Variants in SEMA4C observed in about 807,000 individuals in gnomAD.
SEMA4C encodes semaphorin-4C.
In SEMA4C, 19 loss-of-function variants were observed where a neutral mutation model predicts 89.0. The ratio of observed to expected loss-of-function variants is 0.21; its 90% CI spans 0.15 to 0.31. The LOEUF (loss-of-function observed/expected upper bound fraction) is 0.31. Among genes scored for constraint, SEMA4C ranks in the 10% least tolerant of loss-of-function variants. The pLI, the probability that SEMA4C is intolerant of heterozygous loss-of-function variation, is 1.00. For synonymous variants in SEMA4C, 428 were observed against 472.7 expected (o/e 0.91, Z 1.23); for missense variants, 811 against 1,107.0 (o/e 0.73, Z 3.79).
chr2:96,869,087 C>T (rs2153365947), intron 1 of SEMA4C: 2 of 985,370 alleles, frequency 2.0e-6, no homozygotes, highest in South Asian at 9.4e-5. Context: ...GCCCGGCCTG[C>T]GGACGCCCCC....
chr2:96,870,505 CT>C, upstream of SEMA4C: 7 of 978,284 alleles, frequency 7.2e-6, no homozygotes, highest in Non-Finnish European at 8.5e-6. Flanking sequence ...GGGAGGCACG[CT>C]GGGGGAACCG....
intron 3 of SEMA4C, 41 bp downstream of exon 3, chr2:96,866,242 C>T (rs745391345): frequency 7.0e-6 from 11 of 1,575,790 alleles, no homozygotes; most frequent in Admixed American, 1.8e-5. Flanking sequence ...GGGCCTTGCC[C>T]TCTGGCAGGC....
At chr2:96,869,623 C>A in intron 1 of SEMA4C, 1 of 985,250 alleles carries the variant, frequency 1.0e-6, no homozygotes, top group South Asian at 4.7e-5. Flanking sequence ...GCGCGAGGAA[C>A]CCTCGCTGGC....
Position 96,865,191 on chromosome 2 carries a change from C to G in SEMA4C, c.634+13G>C. The G allele has an allele frequency of 6.2e-7, 1 of 1,612,870 alleles. No individual in the cohort carries two copies. On this transcript the variant is annotated intron_variant, in intron 7 of 14. Coordinates refer to ENST00000305476, the MANE Select transcript of SEMA4C (RefSeq NM_017789.5). ...TCCCACCCATGGCTCCCACAGGCCC[C>G]CCGGTGGCTCACCGTTGAGCCAAAA...
In SEMA4C at chr2:96,866,370, C is replaced by CGTCAGT. The variant is rs1195963689; in HGVS notation, c.165_170dup (p.Leu58_Thr59dup). On this transcript the variant is annotated inframe_insertion, in exon 3 of 15. Transcript: ENST00000305476. Reference sequence around the variant, plus strand: ...ACAGAAGCCCAGTGGGCTCCGTCAGCGTCAGTGTCAGGAAGTCCTGGATGC... The same window carrying CGTCAGT: ...ACAGAAGCCCAGTGGGCTCCGTCAGCGTCAGTGTCAGTGTCAGGAAGTCCTGGATGC... 3.7e-6 allele frequency: 6 copies of CGTCAGT among 1,613,836 alleles called. No individual in the cohort carries two copies. In the African/African-American group the frequency reaches 5.3e-5, roughly 14 times the overall value.
At chr2:96,863,843 G>A (rs374985513) in intron 11 of SEMA4C, 49 bp from the exon 12 acceptor site, 14 of 1,603,112 alleles carry the variant, frequency 8.7e-6, no homozygotes, top group African/African-American at 2.7e-5. Flanking sequence ...CAAGGCCGTG[G>A]GGCAGCTCCA....
At chr2:96,863,496 C>T in intron 12 of SEMA4C, 186 bp downstream of exon 12, 1 of 893,364 alleles carries the variant, frequency 1.1e-6, no homozygotes, top group Non-Finnish European at 1.3e-6. Context: ...AGTGCAGATT[C>T]CATTCTGTTT....
chr2:96,869,770 A>C (rs1385664977), intron 1 of SEMA4C, 106 bp downstream of exon 1: 1 of 977,928 alleles, frequency 1.0e-6, no homozygotes, highest in Non-Finnish European at 1.2e-6. Context: ...CCCGCGCCCC[A>C]GCCCCTGTCC....
rs372460345 is a variant in SEMA4C at position 96,863,678 on chromosome 2, C to A, written c.1443+4G>T. On this transcript the variant is annotated splice_donor_region_variant and intron_variant, in intron 12 of 14. Transcript: ENST00000305476. ...ACAGTGGCAGATAGGGCCCAACTTA[C>A]TACCTTGCTCTGAGATAGCACCAGG... 9.9e-6 allele frequency: 16 copies of A among 1,612,766 alleles called. No individual in the cohort carries two copies. The highest frequency in any genetic ancestry group is 1.3e-5 in the Non-Finnish European group (15 of 1,178,766).
chr2:96,861,799 C>A lies in SEMA4C; in HGVS notation c.1539G>T (p.Arg513=), dbSNP rs776373625. The A allele has an allele frequency of 1.9e-6, 3 of 1,613,128 alleles. No homozygotes were observed. In the African/African-American group the frequency reaches 4.0e-5, roughly 22 times the overall value. ...YRSCADCVLA[R]DPYCAWSVNT... ...TGACGCTCCAGGCGCAATAGGGGTC[C>A]CGGGCGAGGACACAGTCTGCACAGG... Residue 513 remains arginine, a synonymous_variant, in exon 13 of 15, where the codon CGG becomes CGT. Coordinates refer to ENST00000305476, the MANE Select transcript of SEMA4C (RefSeq NM_017789.5). The surrounding 1 kb of genome is among the most constrained non-coding windows in gnomAD (Gnocchi z 7.8).
At chr2:96,869,606 C>G (rs2080162845) in intron 1 of SEMA4C, 1 of 985,136 alleles carries the variant, frequency 1.0e-6, no homozygotes, top group Admixed American at 6.2e-5. Flanking sequence ...CGGCCGCGGA[C>G]CGGACCGCGC....
At position 96,864,927 on chromosome 2, in the gene SEMA4C, C is replaced by T. The variant is rs1574149826; in HGVS notation, c.786+37G>A. On this transcript the variant is annotated intron_variant, in intron 8 of 14. Coordinates refer to ENST00000305476, the MANE Select transcript of SEMA4C (RefSeq NM_017789.5). This position sits in a 1 kb window ranked among gnomAD's most constrained non-coding sequence, Gnocchi z 6.3. ...CTGCCGGTCAGCCCCGCTGGGCCAG[C>T]AGGGCTCCCAGGGCCCACCGCTGTG... 4 of 1,607,760 alleles carry T rather than the reference C, an allele frequency of 2.5e-6. No homozygotes were observed. The East Asian group carries it at 9.0e-5, about 36-fold the overall frequency.
chr2:96,868,342 C>T (rs1482406943), intron 1 of SEMA4C: 1 of 861,970 alleles, frequency 1.2e-6, no homozygotes, highest in African/African-American at 1.8e-5. Context: ...ACACCTAATT[C>T]TGGGAGGAAG....
At chr2:96,869,724 G>C (rs1205140072) in intron 1 of SEMA4C, 152 bp downstream of exon 1, 1 of 984,926 alleles carries the variant, frequency 1.0e-6, no homozygotes, top group Non-Finnish European at 1.2e-6. Flanking sequence ...TCGCAGGAAG[G>C]ATCCCCGCGT....
At chr2:96,870,454 A>G (rs2080177748), upstream of SEMA4C, 1 of 922,922 alleles carries the variant, frequency 1.1e-6, no homozygotes, top group Non-Finnish European at 1.3e-6. Flanking sequence ...GTGCAGTTGC[A>G]GGAACGACCG....
chr2:96,868,721 C>T (rs1384758494), intron 1 of SEMA4C: 22 of 985,134 alleles, frequency 2.2e-5, no homozygotes, highest in Non-Finnish European at 2.7e-5. Flanking sequence ...GTCGGGGACT[C>T]CGGCGGCGCG....
chr2:96,870,246 G>C (rs1023911647), upstream of SEMA4C: 2 of 985,460 alleles, frequency 2.0e-6, no homozygotes, highest in Non-Finnish European at 2.4e-6. Flanking sequence ...CGCCTCTCTG[G>C]GTGCCCGGAC....
In SEMA4C at chr2:96,865,247, G is replaced by C; in HGVS notation, c.591C>G (p.Pro197=). The change falls in exon 7 of 15, where the codon CCC becomes CCG. Residue 197 remains proline (P), a synonymous_variant. Transcript: ENST00000305476. ...GGTACTCTGTCTTCATGGAGTGGTGGGGCCCCATGTTACGCAGGATAATGG... is the reference window on the plus strand; with the variant it reads ...GGTACTCTGTCTTCATGGAGTGGTGCGGCCCCATGTTACGCAGGATAATGG... ...TEPIILRNMG[P]HHSMKTEYLA... 6.2e-7 allele frequency: 1 copy of C among 1,614,142 alleles called. No homozygotes were observed. The highest frequency in any genetic ancestry group is 1.3e-5 in the African/African-American group (1 of 75,054).
intron 12 of SEMA4C, 197 bp from the exon 13 acceptor site, chr2:96,862,091 G>T: frequency 1.6e-6 from 1 of 613,954 alleles, no homozygotes; most frequent in Non-Finnish European, 2.8e-6. Context: ...AACTCAGAGG[G>T]CTTACACAGG....
Sources: gnomAD v4.1 joint callset for allele counts on GRCh38, gnomAD v4.1.1 for gene constraint, Gnocchi (gnomAD v3.1) non-coding constraint, MANE v1.5 for transcripts, NCBI Gene and HGNC (gene_info 2026-07-23, HGNC 2026-07-21) for gene names.